The following SPPL3 variants were observed in gnomAD, a reference collection of about 807,000 sequenced individuals.
SPPL3 encodes the protein signal peptide peptidase-like 3.
SPPL3 carries 5 observed loss-of-function variants against 42.4 expected under a neutral mutation model. The ratio of observed to expected loss-of-function variants is 0.12; its 90% CI spans 0.06 to 0.25. SPPL3 has a LOEUF of 0.25. Ranked by LOEUF, SPPL3 falls within the 10% of genes least tolerant of loss-of-function variation. The pLI is 1.00. For missense variants in SPPL3, 235 were observed against 489.0 expected, an observed-to-expected ratio of 0.48 and a Z score of 4.90; for synonymous variants, 195 against 181.8, an observed-to-expected ratio of 1.07 and a Z score of -0.58.
chr12:120,826,425 T>C (rs1360292339), intron 1 of SPPL3, among the ~76,000 whole-genome samples: 1 of 152,078 alleles, frequency 6.6e-6, no homozygotes, highest in Non-Finnish European at 1.5e-5. Context: ...AATCCCAATT[T>C]AGGCACTCAT....
chr12:120,819,869 C>A (rs1870998695), intron 1 of SPPL3, among the ~76,000 whole-genome samples: 1 of 152,138 alleles, frequency 6.6e-6, no homozygotes, highest in Non-Finnish European at 1.5e-5. Flanking sequence ...CCATGATTAC[C>A]AGGACCGCCT....
At chr12:120,839,511 T>TAAACAA (rs764746874) in intron 1 of SPPL3, among the ~76,000 whole-genome samples, 1 of 152,004 alleles carries the variant, frequency 6.6e-6, no homozygotes, top group Non-Finnish European at 1.5e-5. Context: ...AGTATAATAA[T>TAAACAA]AAACAAAAAC....
chr12:120,851,879 C>T (rs919505509), intron 1 of SPPL3, among the ~76,000 whole-genome samples: 7 of 152,174 alleles, frequency 4.6e-5, no homozygotes, highest in Admixed American at 1.3e-4. Context: ...GCTGGGATTA[C>T]AGGCGTGAGC....
chr12:120,794,734 G>A (rs1870042488), intron 2 of SPPL3, among the ~76,000 whole-genome samples: 1 of 152,152 alleles, frequency 6.6e-6, no homozygotes, highest in Admixed American at 6.5e-5. Context: ...CAATTTCATT[G>A]AATGTGATCA....
At chr12:120,789,886 C>G (rs912493167) in intron 3 of SPPL3, among the ~76,000 whole-genome samples, 2 of 143,432 alleles carry the variant, frequency 1.4e-5, no homozygotes, top group African/African-American at 2.6e-5. Context: ...TTCCACTGTA[C>G]GGACTGGCAC....
intron 1 of SPPL3, among the ~76,000 whole-genome samples, chr12:120,840,579 G>A (rs529755702): frequency 2.6e-5 from 4 of 151,906 alleles, no homozygotes; most frequent in Non-Finnish European, 5.9e-5. Flanking sequence ...CAGATGCGGT[G>A]GCAGCACTTT....
chr12:120,809,947 C>T (rs1870628327), intron 2 of SPPL3, among the ~76,000 whole-genome samples: 1 of 151,820 alleles, frequency 6.6e-6, no homozygotes. Context: ...AATCTACTTA[C>T]TTACAAGCAT....
chr12:120,802,562 T>C (rs916750476), intron 2 of SPPL3, among the ~76,000 whole-genome samples: 1 of 151,132 alleles, frequency 6.6e-6, no homozygotes, highest in African/African-American at 2.4e-5. Flanking sequence ...GCCTCCTGAG[T>C]AGCTGGGATT....
At chr12:120,813,190 G>A (rs1465345686) in intron 1 of SPPL3, among the ~76,000 whole-genome samples, 2 of 152,022 alleles carry the variant, frequency 1.3e-5, no homozygotes, top group South Asian at 2.1e-4. Flanking sequence ...AATTAACCTC[G>A]TGAGGAAAGA....
At chr12:120,840,277 CAAAAAAAAAAAAAA>C (rs533134400) in intron 1 of SPPL3, among the ~76,000 whole-genome samples, 1,062 of 44,270 alleles carry the variant, frequency 0.024, 37 homozygotes, top group African/African-American at 0.089. Flanking sequence ...GACTCTGTCT[CAAAAAAAAAAAAAA>C]AAAAAAAAAA....
chr12:120,766,500 T>C, intron 9 of SPPL3, 128 bp from the exon 10 acceptor site: 1 of 657,026 alleles, frequency 1.5e-6, no homozygotes, highest in Non-Finnish European at 2.4e-6. Context: ...GGGTGTGAAA[T>C]GCCCAGCTTG....
At chr12:120,773,862 C>A (rs762181225) in intron 6 of SPPL3, among the ~76,000 whole-genome samples, 9 of 152,226 alleles carry the variant, frequency 5.9e-5, no homozygotes, top group Admixed American at 1.3e-4. Context: ...CCTCAGCCTC[C>A]CGAAGTGCTG....
chr12:120,775,314 G>C (rs1393657024), intron 6 of SPPL3, among the ~76,000 whole-genome samples: 1 of 151,998 alleles, frequency 6.6e-6, no homozygotes, highest in Admixed American at 6.6e-5. Flanking sequence ...GCACACCTTG[G>C]TTAATTTTTT....
chr12:120,819,896 T>A (rs897831854), intron 1 of SPPL3, among the ~76,000 whole-genome samples: 1 of 152,154 alleles, frequency 6.6e-6, no homozygotes, highest in Non-Finnish European at 1.5e-5. Context: ...ACTGCCTTGA[T>A]TCAGGTGAGG....
At chr12:120,842,263 C>T (rs909873387) in intron 1 of SPPL3, among the ~76,000 whole-genome samples, 14 of 152,098 alleles carry the variant, frequency 9.2e-5, no homozygotes, top group African/African-American at 3.4e-4. Context: ...GTACTTGATT[C>T]ATAAAAGTAA....
chr12:120,851,441 ATT>A (rs55788448), intron 1 of SPPL3, among the ~76,000 whole-genome samples: 12 of 150,260 alleles, frequency 8.0e-5, no homozygotes, highest in South Asian at 2.1e-4. Flanking sequence ...AATCTCAGTC[ATT>A]TTTTTTTTTG....
chr12:120,860,420 T>C lies in SPPL3; in HGVS notation c.23+43425A>G, dbSNP rs867275025. ...AAGAAGTAAATAAGTTGTATAAATA[T>C]AAAAGTTGTCCAGTAACAGACTACA... On this transcript the variant is annotated intron_variant, in intron 1 of 10. Transcript: ENST00000353487. 3.9e-5 allele frequency among the ~76,000 whole-genome samples: 6 copies of C among 152,280 alleles called. No homozygotes were observed. The South Asian group carries it at 6.2e-4, about 16-fold the overall frequency.
At chr12:120,855,885 C>T (rs1233123874) in intron 1 of SPPL3, among the ~76,000 whole-genome samples, 5 of 152,260 alleles carry the variant, frequency 3.3e-5, no homozygotes, top group East Asian at 1.9e-4. Context: ...GGCTGTTCAC[C>T]ATGAACATGC....
At chr12:120,876,634 A>AAAAAAAAAAAAAAAAAG (rs1483322103) in intron 1 of SPPL3, among the ~76,000 whole-genome samples, 2 of 148,614 alleles carry the variant, frequency 1.3e-5, no homozygotes, top group Non-Finnish European at 3.0e-5. Flanking sequence ...AAAAAAAAAA[A>AAAAAAAAAAAAAAAAAG]AAGAAGAAAG....
Sources: gnomAD v4.1 joint callset for allele counts (sites outside exome capture counted in the v4.1 genomes callset) on GRCh38, gnomAD v4.1.1 for gene constraint, MANE v1.5 for transcripts, NCBI Gene and HGNC (gene_info 2026-07-23, HGNC 2026-07-21) for gene names.